FNIP2: variants seen among roughly 807,000 people sequenced by gnomAD.
The protein encoded by FNIP2 is folliculin-interacting protein 2.
In FNIP2, 32 loss-of-function variants were observed where a neutral mutation model predicts 108.7. That is an observed-to-expected ratio of 0.29 (90% CI 0.22 to 0.40). FNIP2 has a LOEUF of 0.40. Ranked by LOEUF, FNIP2 falls within the 10% of genes least tolerant of loss-of-function variation. FNIP2 has a pLI of 1.00. For missense variants in FNIP2, 1,202 were observed against 1,381.6 expected (o/e 0.87, Z 2.06); for synonymous variants, 480 against 496.7 (o/e 0.97, Z 0.45).
chr4:158,841,352 A>C (rs1178395766), intron 7 of FNIP2, among the ~76,000 whole-genome samples: 2 of 152,198 alleles, frequency 1.3e-5, no homozygotes, highest in Non-Finnish European at 2.9e-5. Flanking sequence ...GGTGTGGAGC[A>C]GAAAGGGAAG....
At chr4:158,778,648 T>A (rs990761871) in intron 1 of FNIP2, among the ~76,000 whole-genome samples, 8 of 152,232 alleles carry the variant, frequency 5.3e-5, no homozygotes, top group Non-Finnish European at 1.2e-4. Context: ...GTTAATCTCT[T>A]ACTGTGCCTA....
chr4:158,884,036 T>A lies in FNIP2; in HGVS notation c.2950-7410T>A, dbSNP rs1781877909. Among the ~76,000 whole-genome samples the A allele has an allele frequency of 2.0e-5, 3 of 149,038 alleles. No individual in the cohort carries two copies. The South Asian group carries it at 6.3e-4, about 31-fold the overall frequency. ...CCCCCCTTCAGGAGAAATGGCATGA[T>A]GAATTAATAAGTAGTTATGGGAAGC... On this transcript the variant is annotated intron_variant, in intron 14 of 16. Transcript: ENST00000264433.
intron 14 of FNIP2, among the ~76,000 whole-genome samples, chr4:158,887,185 G>C (rs965214868): frequency 6.6e-6 from 1 of 152,106 alleles, no homozygotes; most frequent in African/African-American, 2.4e-5. Flanking sequence ...GTTTAAATCA[G>C]TCAATCTTAG....
At chr4:158,848,228 A>G (rs1277472082) in intron 7 of FNIP2, among the ~76,000 whole-genome samples, 1 of 152,164 alleles carries the variant, frequency 6.6e-6, no homozygotes, top group Non-Finnish European at 1.5e-5. Flanking sequence ...TACAGTCTCA[A>G]TGGTGGTGGT....
chr4:158,779,253 G>A (rs1404980892), intron 1 of FNIP2, among the ~76,000 whole-genome samples: 1 of 152,102 alleles, frequency 6.6e-6, no homozygotes, highest in East Asian at 1.9e-4. Flanking sequence ...TGTGCACAAA[G>A]ATGTTCTTTA....
intron 1 of FNIP2, among the ~76,000 whole-genome samples, chr4:158,776,513 GA>G (rs1775866077): frequency 6.6e-6 from 1 of 152,136 alleles, no homozygotes. Flanking sequence ...GTTATGGGGG[GA>G]AAAGTATGTT....
rs190884563 is a variant in FNIP2, at chr4:158,856,796, C to T, written c.858-2261C>T. ...TTGCAGTACAGCCTGTGTACCTTCT[C>T]TGGTGACATGGAGATAAAGTACTGA... On this transcript the variant is annotated intron_variant, in intron 8 of 16. Coordinates refer to ENST00000264433, the MANE Select transcript of FNIP2 (RefSeq NM_020840.3). Among the ~76,000 whole-genome samples the T allele has an allele frequency of 3.3e-5, 5 of 152,354 alleles. No homozygotes were observed. The East Asian group carries it at 9.6e-4, about 29-fold the overall frequency.
At chr4:158,831,543 T>A (rs1778482594) in intron 3 of FNIP2, among the ~76,000 whole-genome samples, 1 of 152,246 alleles carries the variant, frequency 6.6e-6, no homozygotes, top group Non-Finnish European at 1.5e-5. Flanking sequence ...CATAATTTAA[T>A]CTTTGTATTT....
At chr4:158,852,014 C>T (rs1346743682) in intron 8 of FNIP2, among the ~76,000 whole-genome samples, 1 of 152,174 alleles carries the variant, frequency 6.6e-6, no homozygotes, top group African/African-American at 2.4e-5. Context: ...TTCCTACAAT[C>T]CAAATACTTG....
At chr4:158,873,354 T>G (rs866570594) in intron 14 of FNIP2, among the ~76,000 whole-genome samples, 18 of 151,932 alleles carry the variant, frequency 1.2e-4, no homozygotes, top group South Asian at 6.2e-4. Context: ...AATGTGGTGG[T>G]TTTTTTTGTT....
intron 1 of FNIP2, among the ~76,000 whole-genome samples, chr4:158,781,301 A>C (rs1044429383): frequency 2.6e-5 from 4 of 152,312 alleles, no homozygotes; most frequent in African/African-American, 7.2e-5. Context: ...TTTACCTTAG[A>C]GGTGTTCCTG....
intron 6 of FNIP2, chr4:158,834,709 A>T (rs1376379640): frequency 6.6e-6 from 1 of 152,210 alleles, no homozygotes; most frequent in Admixed American, 6.5e-5. Flanking sequence ...CAGCATATCT[A>T]CCTTCTAGCA....
intron 8 of FNIP2, among the ~76,000 whole-genome samples, chr4:158,853,413 C>G (rs1779808164): frequency 6.6e-6 from 1 of 152,298 alleles, no homozygotes; most frequent in Admixed American, 6.5e-5. Context: ...TTCTAAGGTA[C>G]ATGTGCACAA....
intron 12 of FNIP2, among the ~76,000 whole-genome samples, chr4:158,867,597 A>G (rs1780655678): frequency 6.6e-6 from 1 of 152,230 alleles, no homozygotes; most frequent in Non-Finnish European, 1.5e-5. Context: ...GTGTATGCGT[A>G]TTAAGATAAT....
chr4:158,824,248 T>G (rs1398360804), intron 1 of FNIP2, among the ~76,000 whole-genome samples: 1 of 152,210 alleles, frequency 6.6e-6, no homozygotes, highest in Admixed American at 6.5e-5. Context: ...TAGGACAGCT[T>G]TGTGAGGGCA....
At chr4:158,797,004 T>C (rs1323800898) in intron 1 of FNIP2, among the ~76,000 whole-genome samples, 2 of 152,210 alleles carry the variant, frequency 1.3e-5, no homozygotes, top group African/African-American at 4.8e-5. Flanking sequence ...AATGAGAGTC[T>C]GCTGATTCAG....
At chr4:158,844,497 C>T (rs920798598) in intron 7 of FNIP2, among the ~76,000 whole-genome samples, 5 of 152,064 alleles carry the variant, frequency 3.3e-5, no homozygotes, top group South Asian at 2.1e-4. Context: ...TTATGTCTAC[C>T]ACCCCCAAAA....
At chr4:158,855,799 T>C (rs1779951808) in intron 8 of FNIP2, among the ~76,000 whole-genome samples, 1 of 152,164 alleles carries the variant, frequency 6.6e-6, no homozygotes, top group African/African-American at 2.4e-5. Flanking sequence ...TTGGCAGATA[T>C]GTGGTTGGGA....
At chr4:158,878,720 A>G (rs922189133) in intron 14 of FNIP2, among the ~76,000 whole-genome samples, 3 of 152,200 alleles carry the variant, frequency 2.0e-5, no homozygotes, top group Non-Finnish European at 2.9e-5. Context: ...GGGCAAGCGC[A>G]TACAAGCAGG....
Sources: gnomAD v4.1 joint callset for allele counts (sites outside exome capture counted in the v4.1 genomes callset) on GRCh38, gnomAD v4.1.1 for gene constraint, MANE v1.5 for transcripts, NCBI Gene and HGNC (gene_info 2026-07-23, HGNC 2026-07-21) for gene names.